RUNX2: variants seen among roughly 807,000 people sequenced by gnomAD.
The protein encoded by RUNX2 is RUNX family transcription factor 2.
RUNX2 carries 10 observed loss-of-function variants against 51.7 expected under a neutral mutation model. The observed-to-expected ratio is 0.19, with a 90% confidence interval of 0.12 to 0.33. RUNX2 has a LOEUF of 0.33. Ranked by LOEUF, RUNX2 falls within the 10% of genes least tolerant of loss-of-function variation. RUNX2 has a pLI of 1.00. For synonymous variants in RUNX2, 276 were observed against 273.6 expected, an observed-to-expected ratio of 1.01 and a Z score of -0.09; for missense variants, 562 against 691.3, an observed-to-expected ratio of 0.81 and a Z score of 2.10.
At chr6:45,341,523 A>T (rs1271530730) in intron 2 of RUNX2, among the ~76,000 whole-genome samples, 1 of 152,228 alleles carries the variant, frequency 6.6e-6, no homozygotes, top group African/African-American at 2.4e-5. Flanking sequence ...ACTACATTTT[A>T]AAAGGAAAAC....
intron 5 of RUNX2, among the ~76,000 whole-genome samples, chr6:45,458,524 C>T (rs1799383982): frequency 1.3e-5 from 2 of 152,142 alleles, no homozygotes; most frequent in South Asian, 2.1e-4. Flanking sequence ...TTCCGTGTCA[C>T]CAATGTGTTA....
At chr6:45,433,766 C>T (rs912384783) in intron 4 of RUNX2, among the ~76,000 whole-genome samples, 10 of 152,030 alleles carry the variant, frequency 6.6e-5, no homozygotes, top group African/African-American at 2.4e-4. Context: ...GGCTGGTTTC[C>T]CAAATAGCAA....
intron 2 of RUNX2, among the ~76,000 whole-genome samples, chr6:45,334,049 T>A (rs1432280477): frequency 4.0e-5 from 6 of 151,302 alleles, no homozygotes; most frequent in Non-Finnish European, 1.5e-5. Context: ...CCCAGAAATA[T>A]ATCTAAGATT....
At chr6:45,365,204 A>G (rs1794922950) in intron 2 of RUNX2, 1 of 1,597,998 alleles carries the variant, frequency 6.3e-7, no homozygotes, top group African/African-American at 1.3e-5. Context: ...TACTTACATC[A>G]TACTCTGTAA....
chr6:45,431,790 C>T (rs1798549345), intron 3 of RUNX2, 73 bp from the exon 4 acceptor site: 9 of 1,511,814 alleles, frequency 6.0e-6, no homozygotes, highest in Non-Finnish European at 7.4e-6. Flanking sequence ...ACATCATTTG[C>T]AATGAGAATA....
chr6:45,485,164 C>T (rs1453530543), intron 5 of RUNX2, among the ~76,000 whole-genome samples: 1 of 150,876 alleles, frequency 6.6e-6, no homozygotes, highest in Non-Finnish European at 1.5e-5. Context: ...ATTAAGAGAG[C>T]TGTCTTTTTC....
intron 5 of RUNX2, among the ~76,000 whole-genome samples, chr6:45,478,250 C>T (rs1037643507): frequency 3.9e-5 from 6 of 152,182 alleles, no homozygotes; most frequent in Admixed American, 6.5e-5. Flanking sequence ...ATACCGTGAG[C>T]ACCCTAGTTT....
At chr6:45,357,575 C>T (rs769652367) in intron 2 of RUNX2, among the ~76,000 whole-genome samples, 15 of 152,080 alleles carry the variant, frequency 9.9e-5, no homozygotes, top group Non-Finnish European at 1.9e-4. Flanking sequence ...GCTCCCCTGA[C>T]GTCAGCCCCT....
intron 7 of RUNX2, among the ~76,000 whole-genome samples, chr6:45,514,957 T>G (rs1265705459): frequency 1.3e-5 from 2 of 151,656 alleles, no homozygotes; most frequent in Non-Finnish European, 1.5e-5. Context: ...TTTTTGTTTG[T>G]GTGCTTTAGT....
At chr6:45,542,267 T>C (rs898832222) in intron 7 of RUNX2, among the ~76,000 whole-genome samples, 7 of 152,190 alleles carry the variant, frequency 4.6e-5, no homozygotes, top group African/African-American at 1.7e-4. Context: ...AGGGGCAAGA[T>C]GTTTTAATTT....
chr6:45,412,387 A>C (rs13215406), intron 2 of RUNX2, among the ~76,000 whole-genome samples: 20,276 of 144,358 alleles, frequency 0.14, 1,559 homozygotes, highest in South Asian at 0.2. Context: ...AAAACCCCCC[A>C]AAAAAAAGAA....
rs73448163 is a variant in RUNX2 at position 45,484,372 on chromosome 6, G to A, written c.686-7569G>A. On this transcript the variant is annotated intron_variant, in intron 5 of 8. Transcript: ENST00000647337. Reference sequence around the variant, plus strand: ...AGAGAAGCTGGTTGGGATGGTTTGAGGAGGAAGGGAGGGGCAAAGGGCTTA... The same window carrying A: ...AGAGAAGCTGGTTGGGATGGTTTGAAGAGGAAGGGAGGGGCAAAGGGCTTA... Among the ~76,000 whole-genome samples, 194 of 152,288 alleles carry A rather than the reference G, an allele frequency of 1.3e-3. 1 individual carries two copies. Among genetic ancestry groups the A allele is most frequent in the African/African-American group, 4.6e-3 (191 of 41,556 alleles).
intron 2 of RUNX2, among the ~76,000 whole-genome samples, chr6:45,351,499 C>T (rs1229717876): frequency 1.3e-5 from 2 of 152,120 alleles, no homozygotes; most frequent in Non-Finnish European, 2.9e-5. Flanking sequence ...TACCACAGCA[C>T]ACAGAAAGGA....
rs1225798283 is a variant in RUNX2 at position 45,339,104 on chromosome 6, T to TA, written c.58+10321dup. 7.2e-5 allele frequency among the ~76,000 whole-genome samples: 11 copies of TA among 152,280 alleles called. No individual in the cohort carries two copies. In the East Asian group the frequency reaches 1.9e-3, roughly 27 times the overall value. ...TAAATATCTTGCAAACTAAGATAGT[T>TA]ATGGCCTTATTGCTTGACTATAAGG... On this transcript the variant is annotated intron_variant, in intron 2 of 8. Coordinates refer to ENST00000647337, the MANE Select transcript of RUNX2 (RefSeq NM_001024630.4).
chr6:45,500,622 A>G (rs964740122), intron 6 of RUNX2, among the ~76,000 whole-genome samples: 2 of 152,184 alleles, frequency 1.3e-5, no homozygotes, highest in African/African-American at 4.8e-5. Context: ...GTAGGGGGAA[A>G]GATTTAGAAT....
intron 2 of RUNX2, among the ~76,000 whole-genome samples, chr6:45,416,073 G>A (rs907757379): frequency 1.3e-5 from 2 of 152,184 alleles, no homozygotes; most frequent in African/African-American, 4.8e-5. Flanking sequence ...GTTTAGAAAA[G>A]CATGGGGAAA....
At chr6:45,376,614 C>T (rs1354260645) in intron 2 of RUNX2, among the ~76,000 whole-genome samples, 1 of 152,170 alleles carries the variant, frequency 6.6e-6, no homozygotes, top group Non-Finnish European at 1.5e-5. Flanking sequence ...TACTTCGCTC[C>T]AACGTCCCGA....
At chr6:45,455,096 A>T (rs1308077290) in intron 5 of RUNX2, among the ~76,000 whole-genome samples, 1 of 152,238 alleles carries the variant, frequency 6.6e-6, no homozygotes, top group Non-Finnish European at 1.5e-5. Context: ...CCTGGGCGAC[A>T]GTGAGACTTT....
Position 45,550,044 on chromosome 6 carries a change from C to G in RUNX2, c.*2739C>G, listed in dbSNP as rs1483756460. 6.8e-6 allele frequency: 1 copy of G among 147,382 alleles called. No individual in the cohort carries two copies. Among genetic ancestry groups the G allele is most frequent in the Non-Finnish European group, 1.5e-5 (1 of 66,858 alleles). The allele number at this position is 147,382 out of a possible 1,614,324, so 9.1% of individuals were successfully genotyped here. A position where few individuals can be genotyped will look rare whatever the true frequency, so the allele number is the denominator to read the frequency against. On this transcript the variant is annotated 3_prime_UTR_variant, in exon 9 of 9. Coordinates refer to ENST00000647337, the MANE Select transcript of RUNX2 (RefSeq NM_001024630.4). ...ACTGAACCCTTAATTTGCACTGGGT[C>G]ATGTGTTTGATTTGTGATTTCAAGA...
Sources: allele counts gnomAD v4.1 joint callset (sites outside exome capture counted in the v4.1 genomes callset), GRCh38; gene constraint gnomAD v4.1.1; transcripts MANE v1.5; gene names NCBI Gene and HGNC (gene_info 2026-07-23, HGNC 2026-07-21).